Variants in RFFL observed in about 807,000 individuals in gnomAD.
RFFL encodes the protein ring finger and FYVE like domain containing E3 ubiquitin protein ligase.
In RFFL, 16 loss-of-function variants were observed where a neutral mutation model predicts 40.4. The observed-to-expected ratio is 0.40, with a 90% CI of 0.27 to 0.60. The LOEUF (loss-of-function observed/expected upper bound fraction) is 0.60. RFFL is among the 20% of genes least tolerant of loss of function. RFFL has a pLI of 0.47. For missense variants in RFFL, 367 were observed against 451.7 expected, an observed-to-expected ratio of 0.81 and a Z score of 1.70; for synonymous variants, 154 against 167.9, an observed-to-expected ratio of 0.92 and a Z score of 0.64.
At chr17:35,023,206 A>G (rs986619481) in intron 2 of RFFL, among the ~76,000 whole-genome samples, 1 of 152,260 alleles carries the variant, frequency 6.6e-6, no homozygotes, top group Non-Finnish European at 1.5e-5. Context: ...CGAAATATAG[A>G]AAGATATTCA....
Position 35,082,888 on chromosome 17 carries a change from G to C in RFFL, c.-9+6217C>G, listed in dbSNP as rs566626454. On this transcript the variant is annotated intron_variant, in intron 1 of 6. Coordinates refer to the RFFL transcript ENST00000315249. ...GGTAGCACAGCCAGGAAGTGGGGGA[G>C]TCAGAATTCAAAACCAGGTTTGTCT... 1.4e-4 allele frequency among the ~76,000 whole-genome samples: 22 copies of C among 152,218 alleles called. No homozygotes were observed. The South Asian group carries it at 3.9e-3, about 27-fold the overall frequency.
chr17:35,025,765 C>T (rs1264038049), intron 2 of RFFL, among the ~76,000 whole-genome samples: 2 of 152,194 alleles, frequency 1.3e-5, no homozygotes, highest in African/African-American at 4.8e-5. Context: ...AGGGTGCACA[C>T]CTAGACACCA....
At chr17:35,017,105 A>G (rs972357958) in intron 4 of RFFL, among the ~76,000 whole-genome samples, 8 of 151,972 alleles carry the variant, frequency 5.3e-5, no homozygotes, top group African/African-American at 1.7e-4. Context: ...GTACTCCTCT[A>G]TACACAACCT....
In RFFL at chr17:35,008,500, G is replaced by C. The variant is rs2090912355; in HGVS notation, c.*3468C>G. ...CCTGGCTGGAGTGCGGTGGCGATCA[G>C]AGCTCACTGCAGCTTCAATCTCCTG... On this transcript the variant is annotated 3_prime_UTR_variant, in exon 7 of 7. Transcript: ENST00000394597. 6.6e-6 allele frequency: 1 copy of C among 151,714 alleles called. No individual in the cohort carries two copies. The highest frequency in any genetic ancestry group is 2.4e-5 in the African/African-American group (1 of 41,258). 9.4% of individuals were successfully genotyped at this position (151,714 alleles called of 1,614,324 possible).
At chr17:35,081,876 C>T (rs755764901) in intron 1 of RFFL, among the ~76,000 whole-genome samples, 10 of 152,070 alleles carry the variant, frequency 6.6e-5, no homozygotes, top group Non-Finnish European at 1.0e-4. Context: ...CCAAACAATA[C>T]AAAGGCCCTT....
intron 1 of RFFL, among the ~76,000 whole-genome samples, chr17:35,052,623 T>C (rs1387096481): frequency 2.0e-5 from 3 of 152,172 alleles, no homozygotes; most frequent in Non-Finnish European, 4.4e-5. Context: ...GAATCTATAA[T>C]AAACAATGAG....
chr17:35,011,943 G>A lies in RFFL; in HGVS notation c.*25C>T. The A allele has an allele frequency of 4.3e-6, 7 of 1,610,100 alleles. No individual in the cohort carries two copies. The highest frequency in any genetic ancestry group is 5.9e-6 in the Non-Finnish European group (7 of 1,177,668). On this transcript the variant is annotated 3_prime_UTR_variant, in exon 7 of 7. Coordinates refer to ENST00000394597, the MANE Select transcript of RFFL (RefSeq NM_001017368.2). ...ACACCCCAGGCTATTTCCCTGTAAG[G>A]CACTGAAGAAACCGATGCAAGCTCT...
At chr17:35,026,609 C>A in intron 1 of RFFL, 48 bp from the exon 2 acceptor site, 1 of 1,488,476 alleles carries the variant, frequency 6.7e-7, no homozygotes, top group Non-Finnish European at 9.2e-7. Context: ...AGACACACCT[C>A]TACTGTCCTT....
chr17:35,023,503 G>A (rs543633548), intron 2 of RFFL, among the ~76,000 whole-genome samples: 2 of 152,242 alleles, frequency 1.3e-5, no homozygotes, highest in African/African-American at 4.8e-5. Flanking sequence ...CACTAGCATT[G>A]TAACGGTTCT....
At chr17:35,083,650 G>A (rs2091413929) in intron 1 of RFFL, among the ~76,000 whole-genome samples, 1 of 151,822 alleles carries the variant, frequency 6.6e-6, no homozygotes, top group Non-Finnish European at 1.5e-5. Context: ...ACATGGTGGC[G>A]CATGTCTGTA....
chr17:35,077,225 T>C (rs111365744), intron 1 of RFFL, among the ~76,000 whole-genome samples: 1,608 of 152,060 alleles, frequency 0.011, 32 homozygotes, highest in African/African-American at 0.037. Context: ...CAGGTAGGAA[T>C]GGGAGCTCTC....
At chr17:35,069,756 T>C (rs1012567941) in intron 1 of RFFL, 1 of 153,646 alleles carries the variant, frequency 6.5e-6, no homozygotes, top group African/African-American at 2.4e-5. Flanking sequence ...TACTCACAAA[T>C]AAAGCTAAAA....
intron 1 of RFFL, among the ~76,000 whole-genome samples, chr17:35,052,267 T>C (rs2091235937): frequency 6.6e-6 from 1 of 152,182 alleles, no homozygotes; most frequent in Non-Finnish European, 1.5e-5. Context: ...ACTTGAAACA[T>C]GCATTGGAAA....
chr17:35,063,481 A>C (rs1055666077), intron 1 of RFFL, 95 bp downstream of exon 1: 1 of 155,180 alleles, frequency 6.4e-6, no homozygotes, highest in Non-Finnish European at 1.4e-5. Context: ...AAAAAAAAAA[A>C]AAAAAACCTG....
rs2090938962 is a variant in RFFL at position 35,011,637 on chromosome 17, G to T, written c.*331C>A. Reference sequence around the variant, plus strand: ...GGGGATGGGTTGGGTACAGGAGGAGGGGTGAAACTGTCTAGGTTCAGGGAG... The same window carrying T: ...GGGGATGGGTTGGGTACAGGAGGAGTGGTGAAACTGTCTAGGTTCAGGGAG... On this transcript the variant is annotated 3_prime_UTR_variant, in exon 7 of 7. Coordinates refer to ENST00000394597, the MANE Select transcript of RFFL (RefSeq NM_001017368.2). 2 of 258,068 alleles carry T rather than the reference G, an allele frequency of 7.7e-6. No homozygotes were observed. The highest frequency in any genetic ancestry group is 1.3e-3 in the Middle Eastern group (1 of 756). 16.0% of individuals were successfully genotyped at this position (258,068 alleles called of 1,614,324 possible). A position where few individuals can be genotyped will look rare whatever the true frequency, so the allele number is the denominator to read the frequency against.
chr17:35,016,405 C>A lies in RFFL; in HGVS notation c.851G>T (p.Arg284Leu). Residue 284 changes from arginine (R) to leucine (L), a missense_variant, in exon 5 of 7, where the codon CGG becomes CTG. Transcript: ENST00000394597. ...EKWELMERVT[R>L]LYKDQKGLQH... ...GAGTCCTTTCTGATCCTTGTATAGC[C>A]GGGTCACTCTCTCCATCAGCTCCCA... is the stretch of plus-strand genomic sequence containing the variant. The A allele has an allele frequency of 6.2e-7, 1 of 1,614,126 alleles. No individual in the cohort carries two copies. The highest frequency in any genetic ancestry group is 8.5e-7 in the Non-Finnish European group (1 of 1,180,014).
rs2090935497 is a variant in RFFL at position 35,011,138 on chromosome 17, A to G, written c.*830T>C. The G allele has an allele frequency of 6.6e-6, 1 of 152,250 alleles. No individual in the cohort carries two copies. Among genetic ancestry groups the G allele is most frequent in the African/African-American group, 2.4e-5 (1 of 41,456 alleles). The allele number at this position is 152,250 out of a possible 1,614,324, so 9.4% of individuals were successfully genotyped here. ...AAGGAGAAGGCCACTGCCTCCACCC[A>G]TTGCTTCCCCTTTCCGCATAAACTA... On this transcript the variant is annotated 3_prime_UTR_variant, in exon 7 of 7. Transcript: ENST00000394597.
At chr17:35,013,192 C>T (rs534828535) in intron 6 of RFFL, among the ~76,000 whole-genome samples, 16 of 152,234 alleles carry the variant, frequency 1.1e-4, no homozygotes, top group Admixed American at 2.6e-4. Flanking sequence ...GCTGCTAAGT[C>T]GAGGAGCCAG....
At chr17:35,048,359 G>A (rs1027972347) in intron 1 of RFFL, among the ~76,000 whole-genome samples, 1 of 151,752 alleles carries the variant, frequency 6.6e-6, no homozygotes, top group African/African-American at 2.4e-5. Context: ...CCGAGATCAC[G>A]CCACTGCACT....
Sources: allele counts gnomAD v4.1 joint callset (sites outside exome capture counted in the v4.1 genomes callset), GRCh38; gene constraint gnomAD v4.1.1; transcripts MANE v1.5; gene names NCBI Gene and HGNC (gene_info 2026-07-23, HGNC 2026-07-21).